The following RBM47 variants were observed in gnomAD, a reference collection of about 807,000 sequenced individuals.
The protein encoded by RBM47 is RNA-binding protein 47.
In RBM47, 21 loss-of-function variants were observed where a neutral mutation model predicts 47.1. That is an observed-to-expected ratio of 0.45 (90% CI 0.32 to 0.64). The LOEUF is 0.64. Ranked by LOEUF, RBM47 falls within the 30% of genes least tolerant of loss-of-function variation. The pLI is 0.05. For missense variants in RBM47, 708 were observed against 870.9 expected (o/e 0.81, Z 2.35); for synonymous variants, 375 against 361.7 (o/e 1.04, Z -0.42).
chr4:40,483,831 C>G (rs1320488913), intron 2 of RBM47, among the ~76,000 whole-genome samples: 1 of 152,108 alleles, frequency 6.6e-6, no homozygotes, highest in African/African-American at 2.4e-5. Context: ...AGCATCAAAA[C>G]CCTTCTAAAA....
intron 1 of RBM47, among the ~76,000 whole-genome samples, chr4:40,560,227 T>G (rs1322891347): frequency 1.3e-5 from 2 of 152,186 alleles, no homozygotes; most frequent in Non-Finnish European, 2.9e-5. Context: ...AAAATCTAAC[T>G]CCACTCCATG....
At chr4:40,593,757 A>G (rs888757904) in intron 1 of RBM47, among the ~76,000 whole-genome samples, 64 of 151,876 alleles carry the variant, frequency 4.2e-4, no homozygotes, top group Non-Finnish European at 2.2e-4. Context: ...GGTGGCGGGC[A>G]CCTGTAGTCC....
At chr4:40,537,562 AT>A (rs34770442) in intron 2 of RBM47, among the ~76,000 whole-genome samples, 51,412 of 150,904 alleles carry the variant, frequency 0.34, 10,080 homozygotes, top group African/African-American at 0.53. Context: ...TAATTTTTAA[AT>A]TTTTTTGTAG....
Position 40,528,783 on chromosome 4 carries a change from A to G in RBM47, c.-155+15639T>C, listed in dbSNP as rs536444953. On this transcript the variant is annotated intron_variant, in intron 2 of 6. Transcript: ENST00000295971. ...GACCCTGTTTCAAAAAGAAAAAAAC[A>G]AAAACAAAAATTAGCTGGGCATGGT... is the stretch of plus-strand genomic sequence containing the variant. Among the ~76,000 whole-genome samples the G allele has an allele frequency of 4.6e-3, 700 of 151,898 alleles. 2 individuals are homozygous for G. Among genetic ancestry groups the G allele is most frequent in the Middle Eastern group, 0.01 (3 of 294 alleles).
intron 1 of RBM47, among the ~76,000 whole-genome samples, chr4:40,582,471 G>A (rs954397083): frequency 4.6e-5 from 7 of 152,052 alleles, no homozygotes; most frequent in African/African-American, 1.7e-4. Flanking sequence ...GAGGTGGAGG[G>A]TGCAGTGAGC....
At chr4:40,468,079 A>G (rs1414272015) in intron 2 of RBM47, among the ~76,000 whole-genome samples, 9 of 152,234 alleles carry the variant, frequency 5.9e-5, no homozygotes, top group Admixed American at 5.9e-4. Context: ...TGAGATCAAG[A>G]GTTCAAGACC....
intron 2 of RBM47, among the ~76,000 whole-genome samples, chr4:40,486,847 T>C (rs1325019784): frequency 1.3e-5 from 2 of 152,224 alleles, no homozygotes; most frequent in Non-Finnish European, 2.9e-5. Context: ...ATTCATTCTA[T>C]GTCTCTGGGT....
At chr4:40,527,537 C>T (rs950286237) in intron 2 of RBM47, among the ~76,000 whole-genome samples, 10 of 150,026 alleles carry the variant, frequency 6.7e-5, no homozygotes, top group South Asian at 2.1e-4. Context: ...GTCATCCACC[C>T]GCCTTGGACT....
At chr4:40,453,300 G>T (rs1029007491) in intron 3 of RBM47, among the ~76,000 whole-genome samples, 8 of 152,176 alleles carry the variant, frequency 5.3e-5, no homozygotes, top group Non-Finnish European at 1.0e-4. Flanking sequence ...AACATTGATT[G>T]AGTGCCAAAA....
chr4:40,591,403 C>T (rs1272565287), intron 1 of RBM47, among the ~76,000 whole-genome samples: 3 of 152,078 alleles, frequency 2.0e-5, no homozygotes, highest in African/African-American at 7.2e-5. Flanking sequence ...AGATATGTGA[C>T]CAAGCGTGGT....
chr4:40,544,217 C>T (rs1681703434), intron 2 of RBM47: 1 of 152,182 alleles, frequency 6.6e-6, no homozygotes, highest in South Asian at 2.1e-4. Context: ...TGGGAGTCCT[C>T]TGAGGACATT....
chr4:40,449,083 G>T (rs1053685091), intron 3 of RBM47, among the ~76,000 whole-genome samples: 1 of 152,212 alleles, frequency 6.6e-6, no homozygotes, highest in African/African-American at 2.4e-5. Context: ...CAGGCCCCTG[G>T]CACCAGGATG....
At chr4:40,468,292 TTAAA>T (rs1350539138) in intron 2 of RBM47, among the ~76,000 whole-genome samples, 2 of 151,978 alleles carry the variant, frequency 1.3e-5, no homozygotes, top group Non-Finnish European at 2.9e-5. Flanking sequence ...CTCAAAAAAG[TTAAA>T]TAAATAAAAA....
chr4:40,521,291 C>T (rs1240224567), intron 2 of RBM47, among the ~76,000 whole-genome samples: 1 of 152,156 alleles, frequency 6.6e-6, no homozygotes, highest in African/African-American at 2.4e-5. Flanking sequence ...ACCTCCACTT[C>T]CTGGGTTCAA....
intron 2 of RBM47, among the ~76,000 whole-genome samples, chr4:40,470,507 T>C (rs181903046): frequency 3.5e-4 from 53 of 152,340 alleles, no homozygotes; most frequent in African/African-American, 1.3e-3. Flanking sequence ...ATTTGTGTCT[T>C]GACGTGTCGT....
intron 2 of RBM47, among the ~76,000 whole-genome samples, chr4:40,530,201 G>A (rs983363794): frequency 3.3e-5 from 5 of 152,022 alleles, no homozygotes; most frequent in Non-Finnish European, 4.4e-5. Flanking sequence ...CTCTCAAAGT[G>A]CTGGGATTAC....
chr4:40,480,688 C>G (rs983733640), intron 2 of RBM47, among the ~76,000 whole-genome samples: 3 of 152,160 alleles, frequency 2.0e-5, no homozygotes, highest in Non-Finnish European at 4.4e-5. Context: ...CTACCCGAGG[C>G]AGCACTCTTC....
chr4:40,607,200 G>A (rs980362512), intron 1 of RBM47, among the ~76,000 whole-genome samples: 2 of 152,152 alleles, frequency 1.3e-5, no homozygotes, highest in African/African-American at 4.8e-5. Flanking sequence ...ATTGATAGAT[G>A]CCACAACATG....
intron 2 of RBM47, among the ~76,000 whole-genome samples, chr4:40,514,001 G>C (rs894627285): frequency 6.6e-6 from 1 of 152,006 alleles, no homozygotes; most frequent in Non-Finnish European, 1.5e-5. Flanking sequence ...TTACAGGTGT[G>C]AGCCACCGCA....
Sources: gnomAD v4.1 joint callset for allele counts (sites outside exome capture counted in the v4.1 genomes callset) on GRCh38, gnomAD v4.1.1 for gene constraint, MANE v1.5 for transcripts, NCBI Gene and HGNC (gene_info 2026-07-23, HGNC 2026-07-21) for gene names.